The following PRKCH variants were observed in gnomAD, a reference collection of about 807,000 sequenced individuals.
The protein encoded by PRKCH is protein kinase C eta type.
Under a neutral mutation model 82.5 loss-of-function variants are expected in PRKCH, and 28 were observed. The observed-to-expected ratio is 0.34, with a 90% CI of 0.25 to 0.47. PRKCH has a LOEUF of 0.47. Ranked by LOEUF, PRKCH falls within the 20% of genes least tolerant of loss-of-function variation. The pLI is 1.00. For synonymous variants in PRKCH, 322 were observed against 327.4 expected (o/e 0.98, Z 0.18); for missense variants, 705 against 881.8 (o/e 0.80, Z 2.54).
chr14:61,313,822 G>A (rs954984689), intron 1 of PRKCH, among the ~76,000 whole-genome samples: 8 of 152,120 alleles, frequency 5.3e-5, no homozygotes, highest in Non-Finnish European at 8.8e-5. Flanking sequence ...GCATGGGAAA[G>A]ACCTGTTCCC....
chr14:61,327,627 G>T (rs1456917426), intron 1 of PRKCH, among the ~76,000 whole-genome samples: 1 of 152,048 alleles, frequency 6.6e-6, no homozygotes, highest in Non-Finnish European at 1.5e-5. Context: ...TTATTATCTT[G>T]TTGTCTTTCG....
chr14:61,455,531 C>T (rs533204934), intron 7 of PRKCH, among the ~76,000 whole-genome samples: 119 of 152,204 alleles, frequency 7.8e-4, no homozygotes, highest in Admixed American at 3.7e-3. Context: ...TGTGGGTAGG[C>T]GGGCAGGATG....
At chr14:61,258,462 A>T (rs1297536295) in intron 1 of PRKCH, among the ~76,000 whole-genome samples, 1 of 152,174 alleles carries the variant, frequency 6.6e-6, no homozygotes, top group Non-Finnish European at 1.5e-5. Context: ...GCTTAACATG[A>T]TGTAGGGTAT....
intron 6 of PRKCH, chr14:61,452,958 G>T (rs1224754484): frequency 8.6e-6 from 4 of 463,308 alleles, no homozygotes; most frequent in East Asian, 4.2e-5. Context: ...TGATTTAGAT[G>T]AATGGGTTTC....
intron 1 of PRKCH, among the ~76,000 whole-genome samples, chr14:61,290,167 A>G (rs1037247792): frequency 1.3e-5 from 2 of 151,906 alleles, no homozygotes; most frequent in African/African-American, 4.8e-5. Flanking sequence ...TTGCGGGCAC[A>G]TGTAGTCCTA....
chr14:61,416,649 C>G (rs551006172), intron 2 of PRKCH, among the ~76,000 whole-genome samples: 1 of 152,080 alleles, frequency 6.6e-6, no homozygotes, highest in South Asian at 2.1e-4. Context: ...TCCCTCCTCT[C>G]TCTTTCCTCT....
chr14:61,374,641 C>T, intron 1 of PRKCH, among the ~76,000 whole-genome samples: 1 of 152,048 alleles, frequency 6.6e-6, no homozygotes, highest in East Asian at 1.9e-4. Context: ...AAGCCACAGC[C>T]CGAGCTGTAC....
chr14:61,288,369 A>C (rs1476976880), intron 1 of PRKCH, among the ~76,000 whole-genome samples: 1 of 152,202 alleles, frequency 6.6e-6, no homozygotes. Flanking sequence ...TGCTGGGATT[A>C]CAGGCATGAG....
At chr14:61,221,270 T>C (rs2044654164) in intron 1 of PRKCH, among the ~76,000 whole-genome samples, 1 of 152,186 alleles carries the variant, frequency 6.6e-6, no homozygotes, top group Admixed American at 6.5e-5. Flanking sequence ...TTCATGGAAC[T>C]TGTCTTTGGA....
intron 1 of PRKCH, among the ~76,000 whole-genome samples, chr14:61,254,493 G>A (rs1016434527): frequency 1.3e-5 from 2 of 152,106 alleles, no homozygotes; most frequent in African/African-American, 4.8e-5. Flanking sequence ...GTGTAAGCCT[G>A]TAGTCCCAGC....
chr14:61,451,454 G>A (rs774730405), intron 6 of PRKCH, among the ~76,000 whole-genome samples: 2 of 152,210 alleles, frequency 1.3e-5, no homozygotes, highest in Non-Finnish European at 2.9e-5. Flanking sequence ...CCAGAAATCA[G>A]CAGGAATGGA....
At chr14:61,377,025 A>G (rs977301411) in intron 1 of PRKCH, among the ~76,000 whole-genome samples, 3 of 152,188 alleles carry the variant, frequency 2.0e-5, no homozygotes, top group Non-Finnish European at 4.4e-5. Context: ...TGTAAGGATG[A>G]CCTTTCCAAC....
intron 1 of PRKCH, among the ~76,000 whole-genome samples, chr14:61,221,189 G>GGA (rs1421123644): frequency 1.3e-5 from 2 of 152,176 alleles, no homozygotes; most frequent in Non-Finnish European, 2.9e-5. Context: ...AGAGGGAGCT[G>GGA]GAGAGCCCAC....
chr14:61,283,404 A>G (rs1471368751), intron 1 of PRKCH, among the ~76,000 whole-genome samples: 1 of 152,254 alleles, frequency 6.6e-6, no homozygotes, highest in Non-Finnish European at 1.5e-5. Context: ...CAAGTGAGAT[A>G]AATGAAAAGG....
chr14:61,545,778 G>A (rs1014803533), intron 12 of PRKCH, among the ~76,000 whole-genome samples: 2 of 152,180 alleles, frequency 1.3e-5, no homozygotes, highest in African/African-American at 2.4e-5. Flanking sequence ...TCTACTTGTC[G>A]TCAGGCAAGG....
intron 1 of PRKCH, among the ~76,000 whole-genome samples, chr14:61,272,431 G>A (rs1436639553): frequency 1.6e-5 from 2 of 124,978 alleles, no homozygotes; most frequent in Non-Finnish European, 3.1e-5. Flanking sequence ...TAGGCTCACT[G>A]CCATCTCCAC....
intron 1 of PRKCH, among the ~76,000 whole-genome samples, chr14:61,332,888 G>A (rs1408528730): frequency 2.0e-5 from 3 of 152,212 alleles, no homozygotes; most frequent in Non-Finnish European, 4.4e-5. Context: ...CGTCTGTGAT[G>A]TTGGAGGGCT....
intron 1 of PRKCH, among the ~76,000 whole-genome samples, chr14:61,252,106 G>A (rs1425496774): frequency 6.6e-6 from 1 of 152,160 alleles, no homozygotes; most frequent in East Asian, 1.9e-4. Flanking sequence ...CCAAAGTGCT[G>A]GGATTACAGG....
At chr14:61,445,832 C>A in intron 4 of PRKCH, 106 bp downstream of exon 4, 2 of 1,213,258 alleles carry the variant, frequency 1.6e-6, no homozygotes, top group Non-Finnish European at 2.4e-6. Flanking sequence ...TGATAAATAA[C>A]TCTCTGTAGG....
Sources: gnomAD v4.1 joint callset for allele counts (sites outside exome capture counted in the v4.1 genomes callset) on GRCh38, gnomAD v4.1.1 for gene constraint, MANE v1.5 for transcripts, NCBI Gene and HGNC (gene_info 2026-07-23, HGNC 2026-07-21) for gene names.